Variants in GAB1 observed in about 807,000 individuals in gnomAD.
GAB1 encodes the protein GRB2 associated binding protein 1, also known as GRB2-associated-binding protein 1.
Under a neutral mutation model 66.5 loss-of-function variants are expected in GAB1, and 19 were observed. That is an observed-to-expected ratio of 0.29 (90% confidence interval 0.20 to 0.42). The LOEUF is 0.42. Among genes scored for constraint, GAB1 ranks in the 10% least tolerant of loss-of-function variants. GAB1 has a pLI of 1.00. For synonymous variants in GAB1, 294 were observed against 301.4 expected (o/e 0.98, Z 0.25); for missense variants, 732 against 858.5 (o/e 0.85, Z 1.84).
chr4:143,389,571 A>G (rs1459386086), intron 1 of GAB1, among the ~76,000 whole-genome samples: 2 of 152,122 alleles, frequency 1.3e-5, no homozygotes, highest in African/African-American at 2.4e-5. Context: ...CTTGTGGTTT[A>G]TGCATTTTGA....
At position 143,447,293 on chromosome 4, in the gene GAB1, T is replaced by C. The variant is rs1196469707; in HGVS notation, c.1585+6911T>C. The stretch of plus-strand genomic sequence containing the variant: ...GGCGATGCGGGCTCTTTTTTGGTTC[T>C]ATATGAACTTTAAAGTAGTTTTTTC... On this transcript the variant is annotated intron_variant, in intron 6 of 9. Transcript: ENST00000262994. Among the ~76,000 whole-genome samples the C allele has an allele frequency of 3.9e-5, 6 of 152,052 alleles. No homozygotes were observed. In the East Asian group the frequency reaches 5.8e-4, roughly 15 times the overall value.
intron 1 of GAB1, among the ~76,000 whole-genome samples, chr4:143,372,238 T>A (rs976311911): frequency 2.0e-5 from 3 of 152,250 alleles, no homozygotes; most frequent in African/African-American, 7.2e-5. Flanking sequence ...TGTTCCTTCC[T>A]GTACCTTCTG....
In GAB1 at chr4:143,397,746, C is replaced by A. The variant is rs28925870; in HGVS notation, c.73-17731C>A. Among the ~76,000 whole-genome samples, 31 of 152,220 alleles carry A rather than the reference C, an allele frequency of 2.0e-4. No homozygotes were observed. In the East Asian group the frequency reaches 5.4e-3, roughly 27 times the overall value. ...CAAGTATAGAGAGCTGTGAAATTCCCCCACTTTCTTCCTCCTGACATATGA... is the reference window on the plus strand; with the variant it reads ...CAAGTATAGAGAGCTGTGAAATTCCACCACTTTCTTCCTCCTGACATATGA... On this transcript the variant is annotated intron_variant, in intron 1 of 9. Coordinates refer to ENST00000262994, the MANE Select transcript of GAB1 (RefSeq NM_002039.4).
chr4:143,419,523 A>G (rs772737789), intron 2 of GAB1, among the ~76,000 whole-genome samples: 5 of 152,156 alleles, frequency 3.3e-5, no homozygotes, highest in Admixed American at 6.5e-5. Context: ...AAAGGGTTGT[A>G]AGAAAATTCA....
At chr4:143,460,254 A>G (rs1735420022) in intron 7 of GAB1, 110 bp from the exon 8 acceptor site, 1 of 1,013,770 alleles carries the variant, frequency 9.9e-7, no homozygotes, top group African/African-American at 1.6e-5. Flanking sequence ...GATTATAAAC[A>G]TAAGGGAATA....
chr4:143,436,554 T>C (rs764738574), intron 3 of GAB1, among the ~76,000 whole-genome samples: 42 of 151,614 alleles, frequency 2.8e-4, no homozygotes, highest in Admixed American at 3.3e-4. Context: ...GATGGGGACC[T>C]GAACTTGGGA....
chr4:143,459,137 G>A (rs556659025), intron 6 of GAB1, among the ~76,000 whole-genome samples: 1 of 152,178 alleles, frequency 6.6e-6, no homozygotes, highest in South Asian at 2.1e-4. Context: ...TAGGCAACAT[G>A]TTGTAATAGA....
intron 1 of GAB1, among the ~76,000 whole-genome samples, chr4:143,409,415 T>G (rs1340427930): frequency 3.4e-5 from 5 of 145,880 alleles, no homozygotes; most frequent in African/African-American, 1.3e-4. Context: ...ATCTTTTCAT[T>G]TAGTCTCAGT....
chr4:143,397,476 C>T (rs190858100), intron 1 of GAB1, among the ~76,000 whole-genome samples: 49 of 152,226 alleles, frequency 3.2e-4, no homozygotes, highest in African/African-American at 7.5e-4. Context: ...GCTGCTGCTT[C>T]GTTGTTTTGT....
Position 143,469,127 on chromosome 4 carries a change from G to C in GAB1, c.2023G>C (p.Glu675Gln). 1 of 1,614,186 alleles carries C rather than the reference G, an allele frequency of 6.2e-7. No individual in the cohort carries two copies. Among genetic ancestry groups the C allele is most frequent in the Non-Finnish European group, 8.5e-7 (1 of 1,180,002 alleles). The change falls in exon 10 of 10, where the codon GAA becomes CAA. Residue 675 changes from glutamate (E) to glutamine (Q), a missense_variant. This residue lies in a region of GAB1 where 204 missense variants were observed against 276.8 expected (regional missense o/e 0.74). Coordinates refer to ENST00000262994, the MANE Select transcript of GAB1 (RefSeq NM_002039.4). ...QKTLALKSTR[E>Q]AWTDGRQSTE... ...GACCTTGGCTCTAAAGAGTACCCGG[G>C]AAGCCTGGACAGATGGGAGACAGTC...
intron 1 of GAB1, among the ~76,000 whole-genome samples, chr4:143,393,182 C>T (rs1451997995): frequency 6.8e-6 from 1 of 146,936 alleles, no homozygotes; most frequent in Non-Finnish European, 1.5e-5. Context: ...GCCTGTGGGC[C>T]TGATACTGTT....
chr4:143,339,901 G>A (rs1405951304), intron 1 of GAB1, among the ~76,000 whole-genome samples: 1 of 152,192 alleles, frequency 6.6e-6, no homozygotes, highest in Non-Finnish European at 1.5e-5. Flanking sequence ...TCTTTGCCTG[G>A]TGTAGCACTG....
chr4:143,448,236 T>G (rs1394341435), intron 6 of GAB1, among the ~76,000 whole-genome samples: 1 of 151,972 alleles, frequency 6.6e-6, no homozygotes, highest in Non-Finnish European at 1.5e-5. Flanking sequence ...ATCAAGGATA[T>G]TGATCTAAAA....
chr4:143,355,820 G>T (rs1451858845), intron 1 of GAB1, among the ~76,000 whole-genome samples: 1 of 152,106 alleles, frequency 6.6e-6, no homozygotes, highest in Admixed American at 6.6e-5. Flanking sequence ...CCATGGGTAA[G>T]AGTGTAATCT....
At chr4:143,457,665 C>G in intron 6 of GAB1, 1 of 1,021,096 alleles carries the variant, frequency 9.8e-7, no homozygotes. Flanking sequence ...AGAGAGTCTT[C>G]TTTTTACCAA....
chr4:143,378,634 T>A (rs1730519178), intron 1 of GAB1, among the ~76,000 whole-genome samples: 1 of 83,552 alleles, frequency 1.2e-5, no homozygotes, highest in Non-Finnish European at 2.6e-5. Context: ...AAAGTGTCTC[T>A]CTCTCTCTCT....
At chr4:143,394,390 A>T in intron 1 of GAB1, among the ~76,000 whole-genome samples, 1 of 152,316 alleles carries the variant, frequency 6.6e-6, no homozygotes, top group African/African-American at 2.4e-5. Flanking sequence ...TCCCTTGGGA[A>T]CCCACCTCAG....
chr4:143,426,880 T>C (rs1416656213), intron 2 of GAB1, among the ~76,000 whole-genome samples: 1 of 152,220 alleles, frequency 6.6e-6, no homozygotes, highest in Admixed American at 6.5e-5. Flanking sequence ...TTATAATTTA[T>C]TATCTAGAGA....
At chr4:143,362,329 A>G (rs73853814) in intron 1 of GAB1, among the ~76,000 whole-genome samples, 3,159 of 152,304 alleles carry the variant, frequency 0.021, 105 homozygotes, top group African/African-American at 0.072. Context: ...GCCAGACCCC[A>G]AGAGACGGGC....
Sources: gnomAD v4.1 joint callset for allele counts (sites outside exome capture counted in the v4.1 genomes callset) on GRCh38, gnomAD v4.1.1 for gene constraint, gnomAD v4.1.1 regional missense constraint, MANE v1.5 for transcripts, NCBI Gene and HGNC (gene_info 2026-07-23, HGNC 2026-07-21) for gene names.